The following PABPC4L variants were observed in gnomAD, a reference collection of about 807,000 sequenced individuals.
PABPC4L encodes the protein poly(A) binding protein cytoplasmic 4 like, also known as polyadenylate-binding protein 4-like.
For synonymous variants in PABPC4L, 169 were observed against 164.1 expected (o/e 1.03, Z -0.23); for missense variants, 452 against 451.4 (o/e 1.00, Z -0.01).
chr4:134,015,568 C>A, the PABPC4L span, among the ~76,000 whole-genome samples: 1 of 152,056 alleles, frequency 6.6e-6, no homozygotes, highest in African/African-American at 2.4e-5. Context: ...TCAGTTAAGC[C>A]CAAATTTCAT....
chr4:134,160,353 A>G, the PABPC4L span, among the ~76,000 whole-genome samples: 2,123 of 152,260 alleles, frequency 0.014, 43 homozygotes, highest in African/African-American at 0.048. Context: ...ACCCTCCTCC[A>G]GGTAACCCCA....
the PABPC4L span, among the ~76,000 whole-genome samples, chr4:134,178,618 T>A: frequency 6.6e-6 from 1 of 152,044 alleles, no homozygotes; most frequent in African/African-American, 2.4e-5. Context: ...AGGAGATAGT[T>A]GAAACCCAAA....
chr4:134,120,914 C>T, the PABPC4L span, among the ~76,000 whole-genome samples: 1 of 151,330 alleles, frequency 6.6e-6, no homozygotes, highest in Non-Finnish European at 1.5e-5. Context: ...TTTTTCTCCT[C>T]TCTCCTCTGT....
chr4:133,955,793 G>A, the PABPC4L span, among the ~76,000 whole-genome samples: 2 of 152,124 alleles, frequency 1.3e-5, no homozygotes, highest in Admixed American at 6.5e-5. Context: ...AGGACACAAA[G>A]ACTTACTTAT....
At chr4:134,144,593 A>C in the PABPC4L span, among the ~76,000 whole-genome samples, 1 of 151,400 alleles carries the variant, frequency 6.6e-6, no homozygotes, top group Non-Finnish European at 1.5e-5. Context: ...AAAAAAAAAA[A>C]AACAGTTCAG....
the PABPC4L span, among the ~76,000 whole-genome samples, chr4:134,008,815 G>A: frequency 6.6e-6 from 1 of 151,666 alleles, no homozygotes; most frequent in Non-Finnish European, 1.5e-5. Flanking sequence ...TCAGTATCTT[G>A]ACAAAGGTGC....
chr4:133,980,031 G>GATGTC, the PABPC4L span, among the ~76,000 whole-genome samples: 1 of 151,858 alleles, frequency 6.6e-6, no homozygotes, highest in Non-Finnish European at 1.5e-5. Context: ...TAGTGCTTAG[G>GATGTC]ATGTCATACT....
At chr4:134,005,933 G>A in the PABPC4L span, among the ~76,000 whole-genome samples, 14 of 151,806 alleles carry the variant, frequency 9.2e-5, no homozygotes, top group African/African-American at 2.7e-4. Context: ...TAAAAACATA[G>A]TGAGTTGAAA....
At chr4:134,165,521 T>C in the PABPC4L span, among the ~76,000 whole-genome samples, 105,825 of 152,082 alleles carry the variant, frequency 0.7, 38,166 homozygotes, top group East Asian at 1. Flanking sequence ...AAATGATCAA[T>C]AAACATGAAA....
the PABPC4L span, among the ~76,000 whole-genome samples, chr4:134,069,589 T>C: frequency 6.6e-6 from 1 of 152,184 alleles, no homozygotes; most frequent in Admixed American, 6.5e-5. Flanking sequence ...TGAGATTCTT[T>C]CCTCAGCTTG....
At chr4:133,993,033 T>C in the PABPC4L span, among the ~76,000 whole-genome samples, 4 of 152,154 alleles carry the variant, frequency 2.6e-5, no homozygotes, top group Admixed American at 2.0e-4. Flanking sequence ...AAGCATATCC[T>C]CTTTCCCATG....
chr4:134,183,859 C>A, the PABPC4L span, among the ~76,000 whole-genome samples: 1 of 151,424 alleles, frequency 6.6e-6, no homozygotes. Context: ...GATTTTAATT[C>A]TCCTTAAATG....
chr4:134,019,654 G>A, the PABPC4L span, among the ~76,000 whole-genome samples: 2 of 152,086 alleles, frequency 1.3e-5, no homozygotes, highest in Non-Finnish European at 2.9e-5. Context: ...AATGCAAATA[G>A]TTTATCACTA....
the PABPC4L span, among the ~76,000 whole-genome samples, chr4:133,954,815 G>A: frequency 6.6e-6 from 1 of 152,212 alleles, no homozygotes; most frequent in African/African-American, 2.4e-5. Context: ...TTTTAACTCT[G>A]GGGATAGTAA....
At chr4:134,175,933 A>C in the PABPC4L span, among the ~76,000 whole-genome samples, 1 of 152,186 alleles carries the variant, frequency 6.6e-6, no homozygotes, top group African/African-American at 2.4e-5. Context: ...TCTTAACTGC[A>C]GACTCTTTCC....
the PABPC4L span, among the ~76,000 whole-genome samples, chr4:134,107,494 C>T: frequency 6.6e-6 from 1 of 151,532 alleles, no homozygotes; most frequent in Non-Finnish European, 1.5e-5. Flanking sequence ...AACCAATGTA[C>T]TGTATACATT....
chr4:134,048,481 ACTGAGC>A, the PABPC4L span, among the ~76,000 whole-genome samples: 1 of 152,156 alleles, frequency 6.6e-6, no homozygotes, highest in Non-Finnish European at 1.5e-5. Context: ...TAAAGCAATT[ACTGAGC>A]TTATGCCTTT....
chr4:134,018,349 G>T, the PABPC4L span, among the ~76,000 whole-genome samples: 1 of 152,164 alleles, frequency 6.6e-6, no homozygotes, highest in South Asian at 2.1e-4. Flanking sequence ...CACAAAGCCT[G>T]TTTGGTGGTC....
At chr4:134,109,869 G>A in the PABPC4L span, among the ~76,000 whole-genome samples, 4 of 151,884 alleles carry the variant, frequency 2.6e-5, no homozygotes, top group South Asian at 8.3e-4. Context: ...AGCCTCCCAA[G>A]TAGCTGGGAC....
Sources: gnomAD v4.1 joint callset for allele counts (sites outside exome capture counted in the v4.1 genomes callset) on GRCh38, gnomAD v4.1.1 for gene constraint, MANE v1.5 for transcripts, NCBI Gene and HGNC (gene_info 2026-07-23, HGNC 2026-07-21) for gene names.